Variants in OSBPL2 observed in about 807,000 individuals in gnomAD.
The protein encoded by OSBPL2 is oxysterol-binding protein-related protein 2.
A neutral mutation model predicts 58.4 loss-of-function variants in OSBPL2; 18 were observed. That is an observed-to-expected ratio of 0.31 (90% confidence interval 0.21 to 0.46). The LOEUF (loss-of-function observed/expected upper bound fraction) is 0.46, where lower values mean the gene tolerates loss of function less well. Ranked by LOEUF, OSBPL2 falls within the 20% of genes least tolerant of loss-of-function variation. The pLI is 1.00. For missense variants in OSBPL2, 461 were observed against 616.5 expected (o/e 0.75, Z 2.67); for synonymous variants, 221 against 234.1 (o/e 0.94, Z 0.51).
chr20:62,250,013 C>T (rs1980414604), intron 1 of OSBPL2, among the ~76,000 whole-genome samples: 1 of 152,220 alleles, frequency 6.6e-6, no homozygotes, highest in Non-Finnish European at 1.5e-5. Flanking sequence ...TCTTTTCTCC[C>T]TGCCCCCAAG....
chr20:62,249,974 G>C (rs956415858), intron 1 of OSBPL2, among the ~76,000 whole-genome samples: 9 of 152,232 alleles, frequency 5.9e-5, no homozygotes, highest in African/African-American at 1.9e-4. Context: ...GGGGCCATCT[G>C]TGCTTCCCAG....
intron 11 of OSBPL2, 117 bp downstream of exon 11, chr20:62,286,828 G>A (rs953593928): frequency 3.2e-6 from 4 of 1,259,722 alleles, no homozygotes; most frequent in Non-Finnish European, 4.4e-6. Context: ...GCCTCAGCCT[G>A]TTGTCCCAGA....
At chr20:62,256,374 C>G (rs969242527) in intron 2 of OSBPL2, among the ~76,000 whole-genome samples, 153 bp downstream of exon 2, 61 of 152,182 alleles carry the variant, frequency 4.0e-4, no homozygotes, top group Admixed American at 4.0e-3. Flanking sequence ...TCAGCAAAAC[C>G]TGACATCCAT....
Position 62,275,536 on chromosome 20 carries a change from C to T in OSBPL2, c.491+2130C>T, listed in dbSNP as rs373392134. Among the ~76,000 whole-genome samples, 51 of 152,262 alleles carry T rather than the reference C, an allele frequency of 3.3e-4. 1 individual carries two copies. In the South Asian group the frequency reaches 0.01, roughly 31 times the overall value. On this transcript the variant is annotated intron_variant, in intron 6 of 13. Transcript: ENST00000313733. Reference sequence around the variant, plus strand: ...GATCACAGCTCACTGTAGCCTCGACCTCCTGGGCTCAAGTTATCTTCCCAC... The same window carrying T: ...GATCACAGCTCACTGTAGCCTCGACTTCCTGGGCTCAAGTTATCTTCCCAC...
At chr20:62,293,702 G>A (rs769513844) in intron 13 of OSBPL2, 83 bp from the exon 14 acceptor site, 14 of 1,221,284 alleles carry the variant, frequency 1.1e-5, no homozygotes, top group Middle Eastern at 2.3e-4. Context: ...TGAGTTGGGG[G>A]AACACACTCC....
At chr20:62,271,050 C>T (rs1271286110) in intron 4 of OSBPL2, among the ~76,000 whole-genome samples, 2 of 151,164 alleles carry the variant, frequency 1.3e-5, no homozygotes, top group Non-Finnish European at 3.0e-5. Context: ...TGGTCCTCTC[C>T]TTCTCTCCTT....
chr20:62,290,880 G>A (rs1481916338), intron 12 of OSBPL2, among the ~76,000 whole-genome samples: 4 of 151,506 alleles, frequency 2.6e-5, no homozygotes, highest in African/African-American at 9.7e-5. Flanking sequence ...TGGGATTACA[G>A]GTGCCCGCCA....
chr20:62,284,246 A>G (rs753202343), intron 10 of OSBPL2, 77 bp downstream of exon 10: 1 of 1,581,878 alleles, frequency 6.3e-7, no homozygotes, highest in Non-Finnish European at 8.7e-7. Context: ...CCTTTAGCTC[A>G]CCTGTTGGGG....
chr20:62,279,034 T>G, intron 6 of OSBPL2, 123 bp from the exon 7 acceptor site: 1 of 751,826 alleles, frequency 1.3e-6, no homozygotes, highest in Non-Finnish European at 2.2e-6. Flanking sequence ...TTCCGCCACA[T>G]GTTGTGGCAT....
intron 1 of OSBPL2, among the ~76,000 whole-genome samples, chr20:62,254,522 C>A (rs1568829777): frequency 6.6e-6 from 1 of 152,240 alleles, no homozygotes; most frequent in Non-Finnish European, 1.5e-5. Flanking sequence ...GAGGGAGGAA[C>A]CGGGAGACAC....
intron 1 of OSBPL2, among the ~76,000 whole-genome samples, chr20:62,251,533 C>T (rs140032246): frequency 0.011 from 1,608 of 151,900 alleles, 38 homozygotes; most frequent in African/African-American, 0.037. Context: ...CTCGGCCTCC[C>T]GAGTAGCTGG....
Position 62,283,659 on chromosome 20 carries a change from T to C in OSBPL2, c.873-387T>C, listed in dbSNP as rs146365243. Among the ~76,000 whole-genome samples the C allele has an allele frequency of 6.5e-3, 997 of 152,252 alleles. 16 individuals are homozygous for C. Among genetic ancestry groups the C allele is most frequent in the African/African-American group, 0.022 (917 of 41,544 alleles). ...AAAATGATCAGTGGGCGCATGCAGC[T>C]TTACATTTTAAAACGCTCACTCTTT... On this transcript the variant is annotated intron_variant, in intron 9 of 13. Coordinates refer to ENST00000313733, the MANE Select transcript of OSBPL2 (RefSeq NM_144498.4).
At chr20:62,259,754 ACTGGAGCTCGCTGGGAGCG>A (rs918253639) in intron 2 of OSBPL2, among the ~76,000 whole-genome samples, 2 of 60,466 alleles carry the variant, frequency 3.3e-5, no homozygotes, top group Admixed American at 2.3e-4. Flanking sequence ...GAGCCTGGGC[ACTGGAGCTCGCTGGGAGCG>A]CGTTCTTAGG....
intron 12 of OSBPL2, 139 bp from the exon 13 acceptor site, chr20:62,291,564 G>T (rs1291017741): frequency 1.3e-6 from 1 of 767,096 alleles, no homozygotes; most frequent in Non-Finnish European, 2.3e-6. Flanking sequence ...ATTGTGTTTG[G>T]TCTCCCGATC....
intron 4 of OSBPL2, among the ~76,000 whole-genome samples, chr20:62,265,059 CT>C (rs1981577982): frequency 6.6e-6 from 1 of 152,192 alleles, no homozygotes; most frequent in Middle Eastern, 3.2e-3. Context: ...CTGCATTTCT[CT>C]TTGTAATCAA....
intron 1 of OSBPL2, among the ~76,000 whole-genome samples, chr20:62,244,882 G>A (rs533740235): frequency 3.3e-5 from 5 of 152,336 alleles, no homozygotes; most frequent in African/African-American, 1.2e-4. Context: ...ATGGAGAATG[G>A]TAAACAGTGG....
intron 1 of OSBPL2, among the ~76,000 whole-genome samples, chr20:62,249,473 T>C (rs945346949): frequency 6.6e-6 from 1 of 152,270 alleles, no homozygotes; most frequent in African/African-American, 2.4e-5. Context: ...TCTGCCTTCC[T>C]AATGCTTTTT....
At chr20:62,280,997 G>T in intron 7 of OSBPL2, 61 bp from the exon 8 acceptor site, 1 of 1,343,962 alleles carries the variant, frequency 7.4e-7, no homozygotes, top group South Asian at 1.2e-5. Context: ...GTTGCGTCTT[G>T]GGTCACGTCG....
chr20:62,289,210 T>C lies in OSBPL2; in HGVS notation c.1129T>C (p.Tyr377His). 6.2e-7 allele frequency: 1 copy of C among 1,613,682 alleles called. No individual in the cohort carries two copies. The highest frequency in any genetic ancestry group is 1.1e-5 in the South Asian group (1 of 90,912). ...GTCTCTGTGCCTTGCTCCACAGATG[T>C]ATAATTTCACCAGTTTCACTGTGAG... ...NTRPPNSAQM[Y>H]NFTSFTVSLN... The change falls in exon 12 of 14, where the codon TAT becomes CAT. Residue 377 changes from tyrosine to histidine, a missense_variant. This residue lies in a region of OSBPL2 where 319 missense variants were observed against 419.2 expected (regional missense o/e 0.76). Transcript: ENST00000313733.
Sources: allele counts gnomAD v4.1 joint callset (sites outside exome capture counted in the v4.1 genomes callset), GRCh38; gene constraint gnomAD v4.1.1; regional missense constraint gnomAD v4.1.1; transcripts MANE v1.5; gene names NCBI Gene and HGNC (gene_info 2026-07-23, HGNC 2026-07-21).